Variants in HAPSTR1 observed in about 807,000 individuals in gnomAD.
HAPSTR1 encodes the protein HUWE1-associated protein modifying stress responses 1.
chr16:9,116,381 G>C, the HAPSTR1 span, among the ~76,000 whole-genome samples: 5 of 152,192 alleles, frequency 3.3e-5, no homozygotes, highest in African/African-American at 1.2e-4. Flanking sequence ...TCATAGATGG[G>C]AGAATTTAAT....
At chr16:9,118,586 G>C in the HAPSTR1 span, 2 of 152,640 alleles carry the variant, frequency 1.3e-5, no homozygotes, top group South Asian at 4.1e-4. Context: ...AAACTTTTGC[G>C]AAAGTGGGTC....
At chr16:9,109,324 G>A in the HAPSTR1 span, 3 of 152,160 alleles carry the variant, frequency 2.0e-5, no homozygotes, top group African/African-American at 4.8e-5. Flanking sequence ...AGGGTCCCGA[G>A]TGAGAAGATG....
chr16:9,112,928 T>A, the HAPSTR1 span: 1 of 152,174 alleles, frequency 6.6e-6, no homozygotes, highest in East Asian at 1.9e-4. Flanking sequence ...CTTTTGTCAA[T>A]TGATACTCTC....
the HAPSTR1 span, among the ~76,000 whole-genome samples, chr16:9,094,608 GTAGCC>G: frequency 2.0e-5 from 3 of 152,032 alleles, no homozygotes; most frequent in East Asian, 5.8e-4. Context: ...TGCAGTCCTT[GTAGCC>G]TATTGTGTCT....
At chr16:9,111,809 T>G in the HAPSTR1 span, 4 of 152,254 alleles carry the variant, frequency 2.6e-5, no homozygotes, top group African/African-American at 4.8e-5. Context: ...TATATAGAGA[T>G]TAACTTCAGT....
chr16:9,108,360 A>G, the HAPSTR1 span: 1 of 151,604 alleles, frequency 6.6e-6, no homozygotes, highest in Admixed American at 6.6e-5. Flanking sequence ...TTGATTTTTT[A>G]TTTTCTGTAG....
chr16:9,120,048 A>C, the HAPSTR1 span: 1 of 152,252 alleles, frequency 6.6e-6, no homozygotes, highest in Admixed American at 6.5e-5. Flanking sequence ...TACTACCTCT[A>C]GTGGTGACTA....
At chr16:9,106,984 T>A in the HAPSTR1 span, 2 of 152,254 alleles carry the variant, frequency 1.3e-5, no homozygotes, top group Admixed American at 6.5e-5. Context: ...TACCTTGGCT[T>A]CTCTTCTGCC....
chr16:9,118,644 T>G, the HAPSTR1 span: 2 of 152,360 alleles, frequency 1.3e-5, no homozygotes, highest in African/African-American at 2.4e-5. Context: ...CAATCTGTCA[T>G]TTTACCTGAA....
At chr16:9,093,439 G>T in the HAPSTR1 span, among the ~76,000 whole-genome samples, 1 of 152,188 alleles carries the variant, frequency 6.6e-6, no homozygotes, top group African/African-American at 2.4e-5. Context: ...AAGAGTTGAT[G>T]TTTTTTGTAC....
At chr16:9,100,927 C>T in the HAPSTR1 span, among the ~76,000 whole-genome samples, 1 of 152,134 alleles carries the variant, frequency 6.6e-6, no homozygotes, top group East Asian at 1.9e-4. Context: ...TTCTGCAGGG[C>T]TGGGCTTACC....
the HAPSTR1 span, chr16:9,103,501 T>C: frequency 4.1e-6 from 2 of 484,000 alleles, no homozygotes; most frequent in Non-Finnish European, 7.3e-6. Context: ...AAATGACATA[T>C]CTTTCTGCAG....
At chr16:9,095,469 T>G in the HAPSTR1 span, among the ~76,000 whole-genome samples, 3 of 152,236 alleles carry the variant, frequency 2.0e-5, no homozygotes, top group African/African-American at 7.2e-5. Context: ...TGGTGGATAC[T>G]TCTAAGTGGG....
At chr16:9,096,951 C>G in the HAPSTR1 span, among the ~76,000 whole-genome samples, 10 of 151,338 alleles carry the variant, frequency 6.6e-5, no homozygotes, top group Non-Finnish European at 7.4e-5. Context: ...TATTTTTTTT[C>G]CTTTTTTGGA....
the HAPSTR1 span, among the ~76,000 whole-genome samples, chr16:9,114,193 T>C: frequency 6.6e-6 from 1 of 152,082 alleles, no homozygotes; most frequent in South Asian, 2.1e-4. Flanking sequence ...GTGTTGAGTT[T>C]GAGATGTCCA....
chr16:9,101,874 G>A, the HAPSTR1 span, among the ~76,000 whole-genome samples: 1 of 152,074 alleles, frequency 6.6e-6, no homozygotes, highest in African/African-American at 2.4e-5. Context: ...GTAATCCCCA[G>A]CACTTTGGGA....
chr16:9,113,004 GGT>G, the HAPSTR1 span: 1 of 102,690 alleles, frequency 9.7e-6, no homozygotes, highest in African/African-American at 5.6e-5. Context: ...CGTACAACTT[GGT>G]TTTTTTTTTT....
the HAPSTR1 span, among the ~76,000 whole-genome samples, chr16:9,095,567 C>A: frequency 6.6e-6 from 1 of 151,942 alleles, no homozygotes; most frequent in African/African-American, 2.4e-5. Flanking sequence ...GGCACTCCTA[C>A]CAGCTTCTTG....
the HAPSTR1 span, chr16:9,110,043 C>T: frequency 3.1e-4 from 47 of 152,120 alleles, no homozygotes; most frequent in African/African-American, 1.0e-3. Context: ...TCTCCTCAAG[C>T]AATTTCTGGC....
Sources: allele counts gnomAD v4.1 joint callset (sites outside exome capture counted in the v4.1 genomes callset), GRCh38; gene constraint gnomAD v4.1.1; transcripts MANE v1.5; gene names NCBI Gene and HGNC (gene_info 2026-07-23, HGNC 2026-07-21).